Variants in DLG2 observed in about 807,000 individuals in gnomAD.
The protein encoded by DLG2 is disks large homolog 2.
Under a neutral mutation model 132.5 loss-of-function variants are expected in DLG2, and 45 were observed. That is an observed-to-expected ratio of 0.34 (90% CI 0.27 to 0.44). The LOEUF is 0.44. Among genes scored for constraint, DLG2 ranks in the 20% least tolerant of loss-of-function variants. DLG2 has a pLI of 1.00. For missense variants in DLG2, 1,045 were observed against 1,196.9 expected (o/e 0.87, Z 1.87); for synonymous variants, 424 against 419.6 (o/e 1.01, Z -0.13).
intron 6 of DLG2, among the ~76,000 whole-genome samples, chr11:84,963,588 A>T (rs1333846633): frequency 6.6e-6 from 1 of 152,220 alleles, no homozygotes; most frequent in African/African-American, 2.4e-5. Flanking sequence ...GTGAATTTTT[A>T]GAAAGACAGG....
At chr11:85,427,060 G>A (rs1336304989) in intron 3 of DLG2, among the ~76,000 whole-genome samples, 1 of 152,180 alleles carries the variant, frequency 6.6e-6, no homozygotes, top group Non-Finnish European at 1.5e-5. Context: ...AATGAAGTGA[G>A]AAGGGAAGTT....
At chr11:84,435,258 C>G (rs181253156) in intron 7 of DLG2, among the ~76,000 whole-genome samples, 10 of 151,890 alleles carry the variant, frequency 6.6e-5, no homozygotes, top group Non-Finnish European at 1.3e-4. Context: ...CATACTGAAC[C>G]CTTAGAAAAA....
intron 11 of DLG2, among the ~76,000 whole-genome samples, chr11:84,036,701 A>G (rs1021656438): frequency 4.6e-5 from 7 of 152,174 alleles, no homozygotes. Flanking sequence ...TCTTCCAGCT[A>G]AAAGTTTTAA....
intron 6 of DLG2, among the ~76,000 whole-genome samples, chr11:84,643,348 AG>A (rs997736322): frequency 3.9e-4 from 59 of 152,366 alleles, no homozygotes; most frequent in African/African-American, 1.4e-3. Flanking sequence ...TTCTTTCCTT[AG>A]AAACAGAGAG....
At chr11:83,940,455 C>T (rs986831955) in intron 14 of DLG2, among the ~76,000 whole-genome samples, 1 of 152,136 alleles carries the variant, frequency 6.6e-6, no homozygotes, top group Non-Finnish European at 1.5e-5. Flanking sequence ...TTAATCCTCC[C>T]ATGAAACCTA....
chr11:85,068,128 A>G (rs574389674), intron 6 of DLG2, among the ~76,000 whole-genome samples: 12 of 152,224 alleles, frequency 7.9e-5, no homozygotes, highest in African/African-American at 2.9e-4. Flanking sequence ...CTCTCAATCA[A>G]TTAGGTATTG....
chr11:84,121,850 C>T lies in DLG2; in HGVS notation c.625-22803G>A, dbSNP rs1038544319. Among the ~76,000 whole-genome samples, 5 of 151,350 alleles carry T rather than the reference C, an allele frequency of 3.3e-5. No individual in the cohort carries two copies. In the East Asian group the frequency reaches 7.8e-4, roughly 24 times the overall value. On this transcript the variant is annotated intron_variant, in intron 9 of 27. Coordinates refer to ENST00000376104, the MANE Select transcript of DLG2 (RefSeq NM_001142699.3). ...TGCTGGGATTACAGGCTTGAGCCAC[C>T]GCGCCCAGCCTTTCCTTGCTAACTT...
intron 7 of DLG2, among the ~76,000 whole-genome samples, chr11:84,329,438 G>C (rs928178419): frequency 6.6e-6 from 1 of 152,120 alleles, no homozygotes; most frequent in Admixed American, 6.5e-5. Context: ...TAGTGTGTGA[G>C]TTCTCATGAG....
intron 6 of DLG2, among the ~76,000 whole-genome samples, chr11:85,001,112 G>C (rs1260017916): frequency 6.6e-6 from 1 of 150,422 alleles, no homozygotes; most frequent in Non-Finnish European, 1.5e-5. Context: ...CTTTTTTTTT[G>C]AGACAGTATC....
chr11:85,429,578 A>G (rs1042438674), intron 3 of DLG2, among the ~76,000 whole-genome samples: 1 of 152,240 alleles, frequency 6.6e-6, no homozygotes, highest in Non-Finnish European at 1.5e-5. Flanking sequence ...AAAAGAAGAC[A>G]TTTATGCAGC....
chr11:84,879,681 A>G (rs1235716099), intron 6 of DLG2, among the ~76,000 whole-genome samples: 1 of 152,154 alleles, frequency 6.6e-6, no homozygotes, highest in Non-Finnish European at 1.5e-5. Context: ...TCAATTGTCA[A>G]TAATCATTAT....
intron 19 of DLG2, among the ~76,000 whole-genome samples, chr11:83,575,681 T>C (rs1204024414): frequency 6.6e-6 from 1 of 152,200 alleles, no homozygotes; most frequent in African/African-American, 2.4e-5. Context: ...TTAAGTAGTA[T>C]GCTCAGAAAA....
intron 3 of DLG2, among the ~76,000 whole-genome samples, chr11:85,592,326 G>A (rs1453975953): frequency 1.3e-5 from 2 of 152,144 alleles, no homozygotes; most frequent in Admixed American, 6.5e-5. Context: ...CAAATAAGTA[G>A]AAACATAATA....
chr11:84,456,613 T>C (rs2099066083), intron 7 of DLG2, among the ~76,000 whole-genome samples: 1 of 151,418 alleles, frequency 6.6e-6, no homozygotes, highest in African/African-American at 2.4e-5. Flanking sequence ...TGAAATTCTC[T>C]TTCCCAAATA....
intron 8 of DLG2, among the ~76,000 whole-genome samples, chr11:84,192,736 TA>T (rs1188192165): frequency 6.7e-6 from 1 of 150,190 alleles, no homozygotes; most frequent in African/African-American, 2.5e-5. Context: ...TCTCAAAAAA[TA>T]AAAAAATAAA....
rs547526864 is a variant in DLG2, at chr11:84,416,380, AT to A, written c.519+118189del. Among the ~76,000 whole-genome samples the A allele has an allele frequency of 9.2e-5, 14 of 152,138 alleles. No homozygotes were observed. In the South Asian group the frequency reaches 1.9e-3, roughly 20 times the overall value. ...TGTCTATGGATGTACAGCAAAACTGATTTTTTTTCCTTGTTTCCCACTTAAG... is the reference window on the plus strand; with the variant it reads ...TGTCTATGGATGTACAGCAAAACTGATTTTTTTCCTTGTTTCCCACTTAAG... On this transcript the variant is annotated intron_variant, in intron 7 of 27. Transcript: ENST00000376104.
chr11:84,647,654 A>AT (rs1454304946), intron 6 of DLG2, among the ~76,000 whole-genome samples: 1 of 152,224 alleles, frequency 6.6e-6, no homozygotes, highest in African/African-American at 2.4e-5. Flanking sequence ...TTGAGGATGC[A>AT]TTATGTACTC....
intron 15 of DLG2, among the ~76,000 whole-genome samples, chr11:83,890,370 G>A (rs1473953956): frequency 1.3e-5 from 2 of 151,994 alleles, no homozygotes; most frequent in African/African-American, 4.8e-5. Flanking sequence ...TGTCAGAAAT[G>A]TGGTCTTTCC....
At chr11:84,806,047 A>G (rs966839026) in intron 6 of DLG2, among the ~76,000 whole-genome samples, 6 of 152,242 alleles carry the variant, frequency 3.9e-5, no homozygotes, top group Non-Finnish European at 8.8e-5. Flanking sequence ...ATGAAATACC[A>G]TACAAAACTC....
Sources: gnomAD v4.1 joint callset for allele counts (sites outside exome capture counted in the v4.1 genomes callset) on GRCh38, gnomAD v4.1.1 for gene constraint, MANE v1.5 for transcripts, NCBI Gene and HGNC (gene_info 2026-07-23, HGNC 2026-07-21) for gene names.